The following DYNAP variants were observed in gnomAD, a reference collection of about 807,000 sequenced individuals.
DYNAP encodes dynactin-associated protein.
DYNAP carries 7 observed loss-of-function variants against 8.5 expected under a neutral mutation model. That is an observed-to-expected ratio of 0.82 (90% CI 0.47 to 1.54). DYNAP has a LOEUF of 1.54. Among genes scored for constraint, DYNAP ranks in the 40% most tolerant of loss-of-function variants. The pLI, the probability that DYNAP is intolerant of heterozygous loss-of-function variation, is 0.01. For missense variants in DYNAP, 256 were observed against 224.3 expected (o/e 1.14, Z -0.90); for synonymous variants, 77 against 77.9 (o/e 0.99, Z 0.06).
Position 54,599,084 on chromosome 18 carries a change from T to A in DYNAP, c.*939T>A, listed in dbSNP as rs1911431012. 6.6e-6 allele frequency: 1 copy of A among 152,312 alleles called. No homozygotes were observed. The highest frequency in any genetic ancestry group is 2.1e-4 in the South Asian group (1 of 4,830). The allele number at this position is 152,312 out of a possible 1,614,324, so 9.4% of individuals were successfully genotyped here. On this transcript the variant is annotated 3_prime_UTR_variant, in exon 3 of 3. Coordinates refer to ENST00000648945, the MANE Select transcript of DYNAP (RefSeq NM_173629.3). The stretch of plus-strand genomic sequence containing the variant: ...ACCAAGCCAATGTATTTCTTAAATG[T>A]ATTTGATTGATGTCTCATGTCTCCC...
At chr18:54,576,128 T>C in the DYNAP span, among the ~76,000 whole-genome samples, 1 of 152,248 alleles carries the variant, frequency 6.6e-6, no homozygotes, top group Non-Finnish European at 1.5e-5. Flanking sequence ...CCATACTTCC[T>C]TGTATCAGTA....
chr18:54,588,090 TAAAG>T (rs1256047984), upstream of DYNAP, among the ~76,000 whole-genome samples: 2 of 152,172 alleles, frequency 1.3e-5, no homozygotes, highest in East Asian at 1.9e-4. Context: ...AAGCTTTCGA[TAAAG>T]AAAGAATAGA....
upstream of DYNAP, among the ~76,000 whole-genome samples, chr18:54,588,439 A>G (rs1300613325): frequency 6.6e-6 from 1 of 152,106 alleles, no homozygotes. Flanking sequence ...TCCTGACCTC[A>G]GGTGATTTGC....
intron 1 of DYNAP, among the ~76,000 whole-genome samples, chr18:54,591,585 C>T (rs1264312555): frequency 6.6e-6 from 1 of 151,860 alleles, no homozygotes; most frequent in Non-Finnish European, 1.5e-5. Flanking sequence ...TTTCTATGGC[C>T]ATAGGATATA....
upstream of DYNAP, among the ~76,000 whole-genome samples, chr18:54,589,453 A>G (rs1910989433): frequency 6.6e-6 from 1 of 152,214 alleles, no homozygotes; most frequent in South Asian, 2.1e-4. Context: ...TTCATAATAC[A>G]TGGTGAAGAA....
chr18:54,584,526 C>G (rs934346524), upstream of DYNAP, among the ~76,000 whole-genome samples: 2 of 151,892 alleles, frequency 1.3e-5, no homozygotes, highest in African/African-American at 4.8e-5. Flanking sequence ...AACTCCACAC[C>G]TGCATTGTGA....
At chr18:54,594,043 A>T (rs1911188078) in intron 1 of DYNAP, among the ~76,000 whole-genome samples, 1 of 151,640 alleles carries the variant, frequency 6.6e-6, no homozygotes, top group Non-Finnish European at 1.5e-5. Context: ...CTTTTAACAC[A>T]CCCCTTCCCT....
At chr18:54,586,939 A>G (rs1354145763), upstream of DYNAP, among the ~76,000 whole-genome samples, 1 of 152,222 alleles carries the variant, frequency 6.6e-6, no homozygotes, top group African/African-American at 2.4e-5. Flanking sequence ...TGATCCAGCA[A>G]TTAAAGCTAT....
At chr18:54,591,476 C>T (rs1911074071) in intron 1 of DYNAP, 137 bp downstream of exon 1, 1 of 994,056 alleles carries the variant, frequency 1.0e-6, no homozygotes, top group African/African-American at 1.7e-5. Context: ...AAGAGCAACC[C>T]TGTATCAATT....
At chr18:54,591,202 T>G, upstream of DYNAP, 1 of 1,609,404 alleles carries the variant, frequency 6.2e-7, no homozygotes, top group East Asian at 2.2e-5. Flanking sequence ...TTTTAATTGT[T>G]TCATGGTTGC....
the DYNAP span, among the ~76,000 whole-genome samples, chr18:54,577,839 T>C: frequency 2.8e-4 from 43 of 151,180 alleles, no homozygotes; most frequent in South Asian, 4.2e-4. Flanking sequence ...CGGTGGCAGG[T>C]GCCTGTAGTC....
upstream of DYNAP, among the ~76,000 whole-genome samples, chr18:54,587,342 A>G (rs530888428): frequency 6.6e-6 from 1 of 152,160 alleles, no homozygotes; most frequent in East Asian, 1.9e-4. Context: ...GCTTGAGCCC[A>G]GGAGTTCATG....
At chr18:54,577,437 A>G in the DYNAP span, among the ~76,000 whole-genome samples, 1 of 151,804 alleles carries the variant, frequency 6.6e-6, no homozygotes, top group Non-Finnish European at 1.5e-5. Flanking sequence ...AAAAATTAGC[A>G]GGGCATGGTG....
At chr18:54,594,384 A>G (rs145292479) in intron 1 of DYNAP, among the ~76,000 whole-genome samples, 268 of 152,286 alleles carry the variant, frequency 1.8e-3, no homozygotes, top group African/African-American at 6.2e-3. Context: ...CACTAGTATC[A>G]TGTAGTATAG....
At chr18:54,585,256 C>T (rs891195124), upstream of DYNAP, among the ~76,000 whole-genome samples, 1 of 151,876 alleles carries the variant, frequency 6.6e-6, no homozygotes, top group African/African-American at 2.4e-5. Flanking sequence ...TTAACTAACA[C>T]TGAGGCCATA....
chr18:54,587,935 G>GA, upstream of DYNAP: 1 of 400,242 alleles, frequency 2.5e-6, no homozygotes, highest in Non-Finnish European at 4.4e-6. Flanking sequence ...TTATTCTGTA[G>GA]AAGTTGTTAT....
In DYNAP at chr18:54,598,055, A is replaced by C. The variant is rs764569066; in HGVS notation, c.465A>C (p.Ala155=). The C allele has an allele frequency of 5.6e-6, 9 of 1,613,028 alleles. No homozygotes were observed. The African/African-American group carries it at 1.2e-4, about 22-fold the overall frequency. ...PTMTTTSTVP[A]STATESTTST... is the part of the protein sequence containing the mutation. ...TGACCACCACTTCAACTGTACCTGCAAGTACAGCCACTGAATCTACAACTT... is the reference window on the plus strand; with the variant it reads ...TGACCACCACTTCAACTGTACCTGCCAGTACAGCCACTGAATCTACAACTT... Residue 155 remains alanine, a synonymous_variant, in exon 3 of 3, where the codon GCA becomes GCC. Coordinates refer to ENST00000648945, the MANE Select transcript of DYNAP (RefSeq NM_173629.3).
At chr18:54,580,759 C>G in the DYNAP span, among the ~76,000 whole-genome samples, 1 of 152,152 alleles carries the variant, frequency 6.6e-6, no homozygotes, top group Non-Finnish European at 1.5e-5. Flanking sequence ...AAGCAATGGC[C>G]AACAATAACA....
In DYNAP at chr18:54,598,036, C is replaced by T. The variant is rs765813827; in HGVS notation, c.446C>T (p.Thr149Ile). Residue 149 changes from threonine to isoleucine, a missense_variant, in exon 3 of 3, where the codon ACC becomes ATC. Physicochemically the swap from Thr to Ile is moderately conservative, Grantham distance 89. Coordinates refer to ENST00000648945, the MANE Select transcript of DYNAP (RefSeq NM_173629.3). ...CCTGCTTGTCCACCTACAATGACCACCACTTCAACTGTACCTGCAAGTACA... is the reference window on the plus strand; with the variant it reads ...CCTGCTTGTCCACCTACAATGACCATCACTTCAACTGTACCTGCAAGTACA... ...PSPACPPTMT[T>I]TSTVPASTAT... The T allele has an allele frequency of 2.5e-6, 4 of 1,613,420 alleles. No individual in the cohort carries two copies. The African/African-American group carries it at 5.3e-5, about 22-fold the overall frequency.
Sources: gnomAD v4.1 joint callset for allele counts (sites outside exome capture counted in the v4.1 genomes callset) on GRCh38, gnomAD v4.1.1 for gene constraint, MANE v1.5 for transcripts, NCBI Gene and HGNC (gene_info 2026-07-23, HGNC 2026-07-21) for gene names.